The following RBFOX3 variants were observed in gnomAD, a reference collection of about 807,000 sequenced individuals.
RBFOX3 encodes RNA binding protein fox-1 homolog 3.
RBFOX3 carries 17 observed loss-of-function variants against 48.7 expected under a neutral mutation model. That is an observed-to-expected ratio of 0.35 (90% CI 0.24 to 0.52). The LOEUF is 0.52. RBFOX3 is among the 20% of genes least tolerant of loss of function. The pLI is 0.94. For missense variants in RBFOX3, 382 were observed against 497.5 expected, an observed-to-expected ratio of 0.77 and a Z score of 2.21; for synonymous variants, 212 against 209.5, an observed-to-expected ratio of 1.01 and a Z score of -0.10.
intron 2 of RBFOX3, among the ~76,000 whole-genome samples, chr17:79,468,801 T>C (rs2076665454): frequency 7.4e-6 from 1 of 135,626 alleles, no homozygotes; most frequent in African/African-American, 2.9e-5. Context: ...AGATGGCAGA[T>C]AGACAGGAAG....
Position 79,443,910 on chromosome 17 carries a change from G to A in RBFOX3, c.-175+38544C>T, listed in dbSNP as rs554095189. The stretch of plus-strand genomic sequence containing the variant: ...AACAGAAATCCTACAGGGTACCCGT[G>A]ACTTACTGGGCTATCCCGAGTGCCG... On this transcript the variant is annotated intron_variant, in intron 2 of 14. Coordinates refer to ENST00000693108, the MANE Select transcript of RBFOX3 (RefSeq NM_001350451.2). The surrounding 1 kb of genome is among the most constrained non-coding windows in gnomAD (Gnocchi z 4.4). 3.3e-5 allele frequency among the ~76,000 whole-genome samples: 5 copies of A among 152,276 alleles called. No individual in the cohort carries two copies. Among genetic ancestry groups the A allele is most frequent in the African/African-American group, 1.2e-4 (5 of 41,560 alleles).
chr17:79,626,076 G>A, the RBFOX3 span, among the ~76,000 whole-genome samples: 3 of 152,190 alleles, frequency 2.0e-5, no homozygotes, highest in Non-Finnish European at 4.4e-5. Flanking sequence ...TATTAAGACT[G>A]TGGCCTGGGG....
At chr17:79,228,719 G>A (rs1209958160) in intron 4 of RBFOX3, among the ~76,000 whole-genome samples, 1 of 152,204 alleles carries the variant, frequency 6.6e-6, no homozygotes, top group Non-Finnish European at 1.5e-5. Flanking sequence ...AAATAGCCGT[G>A]AGTTTGGGTT....
At chr17:79,465,813 C>T (rs871739) in intron 2 of RBFOX3, among the ~76,000 whole-genome samples, 54,762 of 152,036 alleles carry the variant, frequency 0.36, 10,009 homozygotes, top group Admixed American at 0.42. Context: ...GGAGTAGGCA[C>T]GGGATCGCGG....
chr17:79,521,096 A>T (rs2086002819), intron 1 of RBFOX3, among the ~76,000 whole-genome samples: 3 of 152,160 alleles, frequency 2.0e-5, no homozygotes, highest in African/African-American at 7.2e-5. Context: ...GGGGCATGAG[A>T]GACACAGCTT....
chr17:79,486,607 G>C (rs797027337), intron 1 of RBFOX3, among the ~76,000 whole-genome samples: 3 of 152,278 alleles, frequency 2.0e-5, no homozygotes, highest in African/African-American at 7.2e-5. Context: ...GCTTCCTCAG[G>C]ATCTAATCCT....
In RBFOX3 at chr17:79,103,059, C is replaced by T. The variant is rs749032466; in HGVS notation, c.507+103G>A. 1 of 863,024 alleles carries T rather than the reference C, an allele frequency of 1.2e-6. No homozygotes were observed. The highest frequency in any genetic ancestry group is 1.6e-5 in the South Asian group (1 of 64,328). 53.5% of individuals were successfully genotyped at this position (863,024 alleles called of 1,614,324 possible). ...CCCACCCCAGGGAACCCTGGCCAGG[C>T]TCTCTGAAGGGTGCGGCAGTGGCAG... On this transcript the variant is annotated intron_variant, in intron 8 of 14. Transcript: ENST00000693108. The surrounding 1 kb of genome is among the most constrained non-coding windows in gnomAD (Gnocchi z 6.1).
At chr17:79,551,546 G>GGTGGGTGA (rs2091159421) in intron 1 of RBFOX3, among the ~76,000 whole-genome samples, 1 of 149,574 alleles carries the variant, frequency 6.7e-6, no homozygotes, top group Non-Finnish European at 1.5e-5. Context: ...TGGGTGGGTG[G>GGTGGGTGA]ATGGATGGGC....
At chr17:79,551,893 A>T (rs1181446378) in intron 1 of RBFOX3, among the ~76,000 whole-genome samples, 1 of 152,200 alleles carries the variant, frequency 6.6e-6, no homozygotes, top group African/African-American at 2.4e-5. Flanking sequence ...TCTGTTCTTT[A>T]TAAATTACTC....
At chr17:79,462,027 C>G (rs2075434069) in intron 2 of RBFOX3, among the ~76,000 whole-genome samples, 1 of 152,180 alleles carries the variant, frequency 6.6e-6, no homozygotes, top group South Asian at 2.1e-4. Context: ...TCTAAGCCAC[C>G]TAGATTTTGG....
intron 4 of RBFOX3, among the ~76,000 whole-genome samples, chr17:79,140,509 T>A (rs577052360): frequency 6.6e-6 from 1 of 152,240 alleles, no homozygotes; most frequent in Non-Finnish European, 1.5e-5. Flanking sequence ...GCACCCACAT[T>A]AGCTGTAAAG....
At chr17:79,600,858 G>T (rs1024868946) in intron 1 of RBFOX3, 25 of 152,206 alleles carry the variant, frequency 1.6e-4, no homozygotes, top group African/African-American at 6.0e-4. Flanking sequence ...CCGCTGCTCC[G>T]AGCTGAGCCT....
chr17:79,345,421 C>A (rs1385246147), intron 2 of RBFOX3, among the ~76,000 whole-genome samples: 9 of 152,108 alleles, frequency 5.9e-5, no homozygotes, highest in African/African-American at 2.2e-4. Flanking sequence ...GGGATTGAAC[C>A]AATTTATGCT....
chr17:79,237,455 A>G (rs1179443580), intron 3 of RBFOX3, among the ~76,000 whole-genome samples: 1 of 152,226 alleles, frequency 6.6e-6, no homozygotes, highest in East Asian at 1.9e-4. Context: ...GACTGTGGCC[A>G]CAGTAACTGA....
the RBFOX3 span, among the ~76,000 whole-genome samples, chr17:79,656,644 GAAGAAAGA>G: frequency 3.8e-4 from 53 of 139,952 alleles, 1 homozygote; most frequent in African/African-American, 1.5e-3. Flanking sequence ...GAAAGGAAGA[GAAGAAAGA>G]AAGGAAGAGA....
At chr17:79,095,692 C>T (rs1239672011) in intron 12 of RBFOX3, 118 bp from the exon 13 acceptor site, 2 of 832,224 alleles carry the variant, frequency 2.4e-6, no homozygotes, top group African/African-American at 1.7e-5. Flanking sequence ...GGACTACAGA[C>T]CTTCCCAGCC....
At chr17:79,211,415 A>G (rs565536778) in intron 4 of RBFOX3, among the ~76,000 whole-genome samples, 5 of 152,356 alleles carry the variant, frequency 3.3e-5, no homozygotes, top group African/African-American at 1.2e-4. Context: ...GCAGGAAGAT[A>G]AATGGAAGGG....
intron 2 of RBFOX3, among the ~76,000 whole-genome samples, chr17:79,355,452 T>A (rs1192046619): frequency 6.6e-6 from 1 of 152,220 alleles, no homozygotes; most frequent in Non-Finnish European, 1.5e-5. Flanking sequence ...CCCCGGGCGA[T>A]GGTGGCAGAG....
At chr17:79,186,119 C>T (rs1003909414) in intron 4 of RBFOX3, among the ~76,000 whole-genome samples, 13 of 152,348 alleles carry the variant, frequency 8.5e-5, no homozygotes, top group African/African-American at 3.1e-4. Context: ...ACCTGTGTGC[C>T]TCTCTGCCCA....
Sources: allele counts gnomAD v4.1 joint callset (sites outside exome capture counted in the v4.1 genomes callset), GRCh38; gene constraint gnomAD v4.1.1; non-coding constraint Gnocchi (gnomAD v3.1); transcripts MANE v1.5; gene names NCBI Gene and HGNC (gene_info 2026-07-23, HGNC 2026-07-21).